The following NFATC2IP variants were observed in gnomAD, a reference collection of about 807,000 sequenced individuals.
The protein encoded by NFATC2IP is NFATC2-interacting protein.
NFATC2IP carries 25 observed loss-of-function variants against 40.2 expected under a neutral mutation model. The observed-to-expected ratio is 0.62, with a 90% CI of 0.45 to 0.87. The LOEUF is 0.87. NFATC2IP is among the 40% of genes least tolerant of loss of function. The pLI is 0.00. For synonymous variants in NFATC2IP, 241 were observed against 236.3 expected, an observed-to-expected ratio of 1.02 and a Z score of -0.18; for missense variants, 553 against 555.6, an observed-to-expected ratio of 1.00 and a Z score of 0.05.
At chr16:28,959,900 G>A (rs572527211) in intron 7 of NFATC2IP, among the ~76,000 whole-genome samples, 17 of 152,270 alleles carry the variant, frequency 1.1e-4, no homozygotes, top group African/African-American at 3.4e-4. Context: ...TACTGTTAAC[G>A]AAATACACAA....
At chr16:28,956,505 C>G in intron 5 of NFATC2IP, 168 bp downstream of exon 5, 1 of 593,264 alleles carries the variant, frequency 1.7e-6, no homozygotes, top group South Asian at 2.1e-5. Flanking sequence ...CTTTTTGTTT[C>G]CTCTGTCTGC....
At chr16:28,961,000 C>CA (rs1452709074) in intron 7 of NFATC2IP, among the ~76,000 whole-genome samples, 1 of 152,034 alleles carries the variant, frequency 6.6e-6, no homozygotes, top group Non-Finnish European at 1.5e-5. Context: ...CTCTTCAAGG[C>CA]AGTCTAGGTT....
chr16:28,961,899 C>CAAAAAAAAAAAAA (rs1161300546), intron 7 of NFATC2IP, among the ~76,000 whole-genome samples: 1 of 49,124 alleles, frequency 2.0e-5, no homozygotes, highest in Non-Finnish European at 4.2e-5. Flanking sequence ...GACTTCGTCT[C>CAAAAAAAAAAAAA]AAAAAAAAAA....
chr16:28,953,928 AAAG>A (rs200410197), intron 2 of NFATC2IP, among the ~76,000 whole-genome samples: 35,079 of 148,166 alleles, frequency 0.24, 4,254 homozygotes, highest in Middle Eastern at 0.37. Context: ...AAAAAAAAAA[AAAG>A]AAAAACGAAA....
Position 28,951,366 on chromosome 16 carries a change from G to C in NFATC2IP, c.355G>C (p.Glu119Gln). 2.1e-6 allele frequency: 3 copies of C among 1,409,574 alleles called. No homozygotes were observed. The highest frequency in any genetic ancestry group is 6.4e-5 in the Admixed American group (2 of 31,092). 87.3% of individuals were successfully genotyped at this position (1,409,574 alleles called of 1,614,324 possible). The change falls in exon 1 of 8, where the codon GAG (glutamate) becomes CAG (glutamine). Residue 119 changes from glutamate (E) to glutamine (Q), a missense_variant. Coordinates refer to ENST00000320805, the MANE Select transcript of NFATC2IP (RefSeq NM_032815.4). Reference protein sequence around the residue: ...RRRRLVLDPGEAPLVPVYSGK... With the variant: ...RRRRLVLDPGQAPLVPVYSGK... ...GCGGCGGCTGGTGCTGGATCCGGGG[G>C]AGGCGCCGCTGGTTCCGGTGTACTC...
chr16:28,956,288 C>G lies in NFATC2IP; in HGVS notation c.797C>G (p.Pro266Arg). Residue 266 changes from proline to arginine, a missense_variant, in exon 5 of 8, where the codon CCA (proline) becomes CGA (arginine). Coordinates refer to ENST00000320805, the MANE Select transcript of NFATC2IP (RefSeq NM_032815.4). ...PTLPETPRLF[P>R]LKIRCRADLV... ...CTCCCAGAGACCCCCCGACTCTTCCCACTCAAAATCCGTTGCCGGGCTGAC... is the reference window on the plus strand; with the variant it reads ...CTCCCAGAGACCCCCCGACTCTTCCGACTCAAAATCCGTTGCCGGGCTGAC... 1 of 1,614,122 alleles carries G rather than the reference C, an allele frequency of 6.2e-7. No homozygotes were observed. Among genetic ancestry groups the G allele is most frequent in the South Asian group, 1.1e-5 (1 of 91,068 alleles).
At chr16:28,956,562 C>A in intron 5 of NFATC2IP, 1 of 555,036 alleles carries the variant, frequency 1.8e-6, no homozygotes, top group Non-Finnish European at 3.2e-6. Context: ...TCTACCCATT[C>A]TTCAAGGCTC....
In NFATC2IP at chr16:28,952,312, G is replaced by C. The variant is rs780680550; in HGVS notation, c.460+108G>C. The C allele has an allele frequency of 1.3e-4, 202 of 1,537,192 alleles. 2 individuals are homozygous for C. Among genetic ancestry groups the C allele is most frequent in the Non-Finnish European group, 2.9e-5 (33 of 1,144,816 alleles). ...TTGTCTCCTGAGGCTCAAGGGAAGA[G>C]CGTGGGAGAGGGGACTCCTGCATCC... On this transcript the variant is annotated intron_variant, in intron 2 of 7. Transcript: ENST00000320805.
intron 2 of NFATC2IP, among the ~76,000 whole-genome samples, chr16:28,953,606 G>A (rs146201970): frequency 1.3e-3 from 193 of 152,194 alleles, no homozygotes; most frequent in African/African-American, 4.4e-3. Context: ...TATGGCATCC[G>A]TTGGAAGCTT....
chr16:28,962,383 T>C (rs921524076), intron 7 of NFATC2IP, among the ~76,000 whole-genome samples: 3 of 152,216 alleles, frequency 2.0e-5, no homozygotes, highest in African/African-American at 7.2e-5. Context: ...TCTCCAGGAA[T>C]CACCACATGT....
intron 7 of NFATC2IP, among the ~76,000 whole-genome samples, chr16:28,959,584 T>TA (rs1451555884): frequency 6.6e-6 from 1 of 150,732 alleles, no homozygotes; most frequent in Non-Finnish European, 1.5e-5. Context: ...TTTTTTTTTT[T>TA]TTTTTTTTTG....
rs749548056 is a variant in NFATC2IP at position 28,955,985 on chromosome 16, G to T, written c.586G>T (p.Asp196Tyr). 10 of 1,613,674 alleles carry T rather than the reference G, an allele frequency of 6.2e-6. No homozygotes were observed. In the South Asian group the frequency reaches 1.1e-4, roughly 18 times the overall value. ...TGTCTCTTGCTTCTACAGGGATCTGGACAACTCTCCTCTGTCCCCACCTTC... is the reference window on the plus strand; with the variant it reads ...TGTCTCTTGCTTCTACAGGGATCTGTACAACTCTCCTCTGTCCCCACCTTC... Reference protein sequence around the residue: ...EKKKTEFLDLDNSPLSPPSPR... With the variant: ...EKKKTEFLDLYNSPLSPPSPR... Residue 196 changes from aspartate (D) to tyrosine (Y), a missense_variant, in exon 4 of 8, where the codon GAC becomes TAC. Coordinates refer to ENST00000320805, the MANE Select transcript of NFATC2IP (RefSeq NM_032815.4).
In NFATC2IP at chr16:28,956,225, G is replaced by C; in HGVS notation, c.734G>C (p.Gly245Ala). The C allele has an allele frequency of 6.2e-7, 1 of 1,614,022 alleles. No homozygotes were observed. Among genetic ancestry groups the C allele is most frequent in the Non-Finnish European group, 8.5e-7 (1 of 1,179,952 alleles). The change falls in exon 5 of 8, where the codon GGC becomes GCC. Residue 245 changes from glycine (G) to alanine (A), a missense_variant. Transcript: ENST00000320805. ...PKPPQGQEQQ[G>A]QEDEVVLVEG... Reference sequence around the variant, plus strand: ...CCACCTCAGGGTCAAGAGCAACAGGGCCAAGAGGATGAAGTGGTCTTGGTG... The same window carrying C: ...CCACCTCAGGGTCAAGAGCAACAGGCCCAAGAGGATGAAGTGGTCTTGGTG...
rs1328708917 is a variant in NFATC2IP, at chr16:28,956,334, G to T, written c.843G>T (p.Arg281Ser). ...CTGACCTGGTCAGATTGCCCCTCAG[G>T]ATGGTGAGTGCCTGAGGCCCATGGG... ...CRADLVRLPL[R>S]MSEPLQSVVD... Residue 281 changes from arginine (R) to serine (S), a missense_variant, in exon 5 of 8, where the codon AGG (arginine) becomes AGT (serine). Physicochemically the swap from Arg to Ser is moderately radical, Grantham distance 110. Coordinates refer to ENST00000320805, the MANE Select transcript of NFATC2IP (RefSeq NM_032815.4). 6.2e-7 allele frequency: 1 copy of T among 1,613,242 alleles called. No individual in the cohort carries two copies.
At chr16:28,959,666 G>T (rs1007111517) in intron 7 of NFATC2IP, among the ~76,000 whole-genome samples, 2 of 146,892 alleles carry the variant, frequency 1.4e-5, no homozygotes, top group African/African-American at 5.0e-5. Flanking sequence ...TCTGCCTTCC[G>T]AGTTTCAAGT....
intron 3 of NFATC2IP, among the ~76,000 whole-genome samples, chr16:28,955,393 A>G (rs1206319809): frequency 6.6e-6 from 1 of 152,126 alleles, no homozygotes; most frequent in Non-Finnish European, 1.5e-5. Context: ...CCTGGGCAAC[A>G]CTGGACATAT....
intron 2 of NFATC2IP, 30 bp downstream of exon 2, chr16:28,952,234 C>G (rs989134031): frequency 1.2e-6 from 2 of 1,612,584 alleles, no homozygotes; most frequent in Non-Finnish European, 1.7e-6. Flanking sequence ...GAGAGGCACG[C>G]AGCCGCTGGC....
In NFATC2IP at chr16:28,958,705, C is replaced by T. The variant is rs367827228; in HGVS notation, c.847-12C>T. The T allele has an allele frequency of 2.5e-6, 4 of 1,601,920 alleles. No individual in the cohort carries two copies. The highest frequency in any genetic ancestry group is 3.4e-6 in the Non-Finnish European group (4 of 1,174,372). On this transcript the variant is annotated splice_polypyrimidine_tract_variant and intron_variant, in intron 5 of 7. Coordinates refer to ENST00000320805, the MANE Select transcript of NFATC2IP (RefSeq NM_032815.4). ...CAGGAAGACCTCTTTTGCTTGTTGTCCCCATCCCTAGTCGGAGCCCCTGCA... is the reference window on the plus strand; with the variant it reads ...CAGGAAGACCTCTTTTGCTTGTTGTTCCCATCCCTAGTCGGAGCCCCTGCA...
chr16:28,957,644 TAA>T (rs77740750), intron 5 of NFATC2IP: 11 of 139,896 alleles, frequency 7.9e-5, no homozygotes, highest in African/African-American at 7.9e-5. Context: ...CCTTGTCTCT[TAA>T]AAAAAAAAAA....
Sources: allele counts gnomAD v4.1 joint callset (sites outside exome capture counted in the v4.1 genomes callset), GRCh38; gene constraint gnomAD v4.1.1; transcripts MANE v1.5; gene names NCBI Gene and HGNC (gene_info 2026-07-23, HGNC 2026-07-21).